Variants in ANKS1B observed in about 807,000 individuals in gnomAD.
The protein encoded by ANKS1B is ankyrin repeat and sterile alpha motif domain containing 1B.
A neutral mutation model predicts 148.3 loss-of-function variants in ANKS1B; 36 were observed. That is an observed-to-expected ratio of 0.24 (90% CI 0.19 to 0.32). The LOEUF (loss-of-function observed/expected upper bound fraction) is 0.32, where lower values mean the gene tolerates loss of function less well. Ranked by LOEUF, ANKS1B falls within the 10% of genes least tolerant of loss-of-function variation. The pLI, the probability that ANKS1B is intolerant of heterozygous loss-of-function variation, is 1.00. For synonymous variants in ANKS1B, 542 were observed against 560.8 expected, an observed-to-expected ratio of 0.97 and a Z score of 0.47; for missense variants, 1,157 against 1,542.6, an observed-to-expected ratio of 0.75 and a Z score of 4.19.
intron 8 of ANKS1B, among the ~76,000 whole-genome samples, chr12:99,660,963 G>C (rs2098474527): frequency 6.6e-6 from 1 of 151,998 alleles, no homozygotes; most frequent in Non-Finnish European, 1.5e-5. Flanking sequence ...AATATTTAAA[G>C]CTGATAGAGC....
intron 15 of ANKS1B, among the ~76,000 whole-genome samples, chr12:99,141,867 T>C (rs978163686): frequency 2.6e-5 from 4 of 152,112 alleles, no homozygotes; most frequent in Non-Finnish European, 5.9e-5. Flanking sequence ...TGATCTCTCA[T>C]CAGCATTCTA....
intron 9 of ANKS1B, among the ~76,000 whole-genome samples, chr12:99,558,030 G>A (rs2097295318): frequency 6.6e-6 from 1 of 152,276 alleles, no homozygotes; most frequent in South Asian, 2.1e-4. Flanking sequence ...ACCTGCTGTG[G>A]TGGAGGGGCC....
At chr12:99,298,962 G>A (rs1049463647) in intron 12 of ANKS1B, among the ~76,000 whole-genome samples, 7 of 152,004 alleles carry the variant, frequency 4.6e-5, no homozygotes, top group Non-Finnish European at 1.0e-4. Context: ...CGGTCTCTGT[G>A]AATCTGGAAA....
chr12:99,200,091 A>AAGAAGATGAATTAAGTG (rs1157279605), intron 14 of ANKS1B, among the ~76,000 whole-genome samples: 3 of 152,238 alleles, frequency 2.0e-5, no homozygotes, highest in African/African-American at 7.2e-5. Flanking sequence ...TAATGCTCTT[A>AAGAAGATGAATTAAGTG]AGAAGATGAA....
At chr12:98,976,817 A>G (rs934605944) in intron 17 of ANKS1B, among the ~76,000 whole-genome samples, 1 of 152,236 alleles carries the variant, frequency 6.6e-6, no homozygotes, top group African/African-American at 2.4e-5. Flanking sequence ...TGAATTGATA[A>G]AAGTTCTTAA....
chr12:98,824,199 T>C (rs2099226951), intron 19 of ANKS1B, among the ~76,000 whole-genome samples: 1 of 152,242 alleles, frequency 6.6e-6, no homozygotes, highest in Admixed American at 6.5e-5. Flanking sequence ...CATTCTCTGC[T>C]TTCCCTGGCT....
intron 9 of ANKS1B, among the ~76,000 whole-genome samples, chr12:99,608,639 C>G (rs1257033438): frequency 6.6e-6 from 1 of 151,866 alleles, no homozygotes; most frequent in African/African-American, 2.4e-5. Context: ...GAGCTCAATG[C>G]CAAAGAGAAC....
chr12:98,856,151 G>T (rs2099570332), intron 17 of ANKS1B, among the ~76,000 whole-genome samples: 1 of 152,180 alleles, frequency 6.6e-6, no homozygotes, highest in East Asian at 1.9e-4. Context: ...ATATATCAGT[G>T]GCTAGGAAAA....
rs1462175469 is a variant in ANKS1B at position 99,984,897 on chromosome 12, AGGTGCGGCCCCT to A, written c.-672_-661del. Reference sequence around the variant, plus strand: ...GCGCGGGGGGCGTGTGCGCGCGGGCAGGTGCGGCCCCTGGTGCGGCCCGAGTTGGGTGGCGGG... The same window carrying A: ...GCGCGGGGGGCGTGTGCGCGCGGGCAGGTGCGGCCCGAGTTGGGTGGCGGG... On this transcript the variant is annotated 5_prime_UTR_variant, in exon 1 of 27. Transcript: ENST00000683438. Among the ~76,000 whole-genome samples, 1 of 148,810 alleles carries A rather than the reference AGGTGCGGCCCCT, an allele frequency of 6.7e-6. No individual in the cohort carries two copies. The highest frequency in any genetic ancestry group is 1.5e-5 in the Non-Finnish European group (1 of 67,030).
intron 22 of ANKS1B, among the ~76,000 whole-genome samples, chr12:98,797,548 T>C (rs1594014133): frequency 6.6e-6 from 1 of 152,224 alleles, no homozygotes; most frequent in Admixed American, 6.5e-5. Context: ...TTCTGATATA[T>C]ACAGAAGCTT....
At chr12:99,361,742 C>T (rs1048130459) in intron 12 of ANKS1B, among the ~76,000 whole-genome samples, 7 of 151,910 alleles carry the variant, frequency 4.6e-5, no homozygotes, top group African/African-American at 1.7e-4. Flanking sequence ...TTATTAAAAC[C>T]TCTAAAATCA....
At chr12:99,576,991 A>G (rs549593354) in intron 9 of ANKS1B, among the ~76,000 whole-genome samples, 16 of 152,024 alleles carry the variant, frequency 1.1e-4, no homozygotes, top group Non-Finnish European at 1.8e-4. Context: ...ACCTACATTA[A>G]GAAGTTAAAA....
chr12:99,253,425 C>G (rs1353743293), intron 12 of ANKS1B, among the ~76,000 whole-genome samples: 1 of 152,144 alleles, frequency 6.6e-6, no homozygotes, highest in Admixed American at 6.5e-5. Flanking sequence ...TTTCTTAATA[C>G]TTCATCGTAA....
intron 17 of ANKS1B, among the ~76,000 whole-genome samples, chr12:98,903,558 C>T (rs1246625425): frequency 6.6e-6 from 1 of 152,204 alleles, no homozygotes; most frequent in African/African-American, 2.4e-5. Context: ...AAGAGTGAAG[C>T]CAGCGCAGAG....
intron 12 of ANKS1B, among the ~76,000 whole-genome samples, chr12:99,345,413 G>A (rs2090530556): frequency 1.3e-5 from 2 of 152,066 alleles, no homozygotes; most frequent in Admixed American, 6.6e-5. Flanking sequence ...AGATAGTTTA[G>A]AGGAAGAATG....
intron 12 of ANKS1B, among the ~76,000 whole-genome samples, chr12:99,270,520 C>A (rs569001731): frequency 3.5e-4 from 53 of 152,314 alleles, no homozygotes; most frequent in African/African-American, 1.3e-3. Context: ...GAGGTAAGGA[C>A]ATTCCATGTT....
intron 9 of ANKS1B, among the ~76,000 whole-genome samples, chr12:99,540,529 T>C (rs1245882436): frequency 6.6e-6 from 1 of 152,164 alleles, no homozygotes; most frequent in Non-Finnish European, 1.5e-5. Flanking sequence ...GAGAAATTCA[T>C]GAATATGTGG....
At chr12:99,797,319 C>T (rs1282157958) in intron 4 of ANKS1B, among the ~76,000 whole-genome samples, 3 of 151,954 alleles carry the variant, frequency 2.0e-5, no homozygotes, top group African/African-American at 7.2e-5. Context: ...CAAATGAGCA[C>T]TATTCTGTAC....
At chr12:99,296,910 A>AACTT (rs1229700321) in intron 12 of ANKS1B, among the ~76,000 whole-genome samples, 1 of 152,196 alleles carries the variant, frequency 6.6e-6, no homozygotes, top group Non-Finnish European at 1.5e-5. Context: ...AGACTGTGGG[A>AACTT]ACTTGACTGT....
Sources: gnomAD v4.1 joint callset for allele counts (sites outside exome capture counted in the v4.1 genomes callset) on GRCh38, gnomAD v4.1.1 for gene constraint, MANE v1.5 for transcripts, NCBI Gene and HGNC (gene_info 2026-07-23, HGNC 2026-07-21) for gene names.